PRRC2C: variants seen among roughly 807,000 people sequenced by gnomAD.
PRRC2C encodes protein PRRC2C.
Under a neutral mutation model 317.2 loss-of-function variants are expected in PRRC2C, and 72 were observed. The ratio of observed to expected loss-of-function variants is 0.23; its 90% CI spans 0.19 to 0.28. The LOEUF is 0.28. Ranked by LOEUF, PRRC2C falls within the 10% of genes least tolerant of loss-of-function variation. The probability of loss-of-function intolerance (pLI) is 1.00; values close to 1 mark genes in which losing one functional copy is unlikely to be tolerated. For missense variants in PRRC2C, 3,074 were observed against 3,459.7 expected, an observed-to-expected ratio of 0.89 and a Z score of 2.80; for synonymous variants, 1,296 against 1,205.9, an observed-to-expected ratio of 1.07 and a Z score of -1.55.
intron 1 of PRRC2C, among the ~76,000 whole-genome samples, chr1:171,502,633 A>C (rs1669341550): frequency 6.6e-6 from 1 of 152,220 alleles, no homozygotes; most frequent in African/African-American, 2.4e-5. Flanking sequence ...TGAAACACCA[A>C]AAAAGGCTTG....
chr1:171,529,928 C>A (rs1675454797), intron 11 of PRRC2C, among the ~76,000 whole-genome samples: 2 of 152,226 alleles, frequency 1.3e-5, no homozygotes, highest in Admixed American at 1.3e-4. Context: ...AATCACCCTA[C>A]TGTGATAGCT....
At chr1:171,549,919 A>C (rs1409687960) in intron 17 of PRRC2C, among the ~76,000 whole-genome samples, 167 bp from the exon 18 acceptor site, 1 of 151,930 alleles carries the variant, frequency 6.6e-6, no homozygotes, top group Non-Finnish European at 1.5e-5. Context: ...GATCTTTACA[A>C]TGAATGGCCA....
intron 2 of PRRC2C, 162 bp downstream of exon 2, chr1:171,512,362 A>G: frequency 1.8e-6 from 1 of 565,584 alleles, no homozygotes; most frequent in South Asian, 1.6e-5. Context: ...TATGTGATAA[A>G]CATCTTATAA....
intron 28 of PRRC2C, among the ~76,000 whole-genome samples, chr1:171,582,032 TTTGC>T (rs1330221797): frequency 6.8e-6 from 1 of 147,710 alleles, no homozygotes; most frequent in Non-Finnish European, 1.5e-5. Flanking sequence ...TGTTTGTTTG[TTTGC>T]TTGCTTAATC....
intron 10 of PRRC2C, among the ~76,000 whole-genome samples, chr1:171,526,440 A>C (rs954797678): frequency 1.3e-5 from 2 of 151,902 alleles, no homozygotes; most frequent in Non-Finnish European, 2.9e-5. Context: ...TGGGCTCAAG[A>C]GATTCTTGTG....
intron 34 of PRRC2C, chr1:171,591,328 T>C (rs1240510577): frequency 1.2e-5 from 9 of 755,788 alleles, no homozygotes; most frequent in African/African-American, 1.8e-5. Flanking sequence ...TAAAATTTAA[T>C]ATGAGAGGGC....
Position 171,513,145 on chromosome 1 carries a change from C to G in PRRC2C, c.263C>G (p.Ser88Ter). ...IVPKDGTGWASKQEQHEEEKT... is the reference protein window; with the variant it reads ...IVPKDGTGWA ...CCTAAAGATGGCACAGGGTGGGCAT[C>G]AAAACAAGAGCAACATGAAGAAGAA... The change falls in exon 3 of 35, where the codon TCA becomes TGA. Residue 88 changes from serine to a stop codon, truncating the protein, a stop_gained. Transcript: ENST00000647382. LOFTEE classifies it high-confidence loss of function. The G allele has an allele frequency of 6.2e-7, 1 of 1,612,322 alleles. No homozygotes were observed. The highest frequency in any genetic ancestry group is 8.5e-7 in the Non-Finnish European group (1 of 1,179,348).
At chr1:171,491,449 A>G (rs374775661) in intron 1 of PRRC2C, among the ~76,000 whole-genome samples, 1 of 152,312 alleles carries the variant, frequency 6.6e-6, no homozygotes, top group African/African-American at 2.4e-5. Context: ...CCAAGGCATC[A>G]GCTCCTTGCC....
At position 171,524,986 on chromosome 1, in the gene PRRC2C, T is replaced by G. The variant is rs1033353501; in HGVS notation, c.1200+21T>G. On this transcript the variant is annotated intron_variant, in intron 10 of 34. Coordinates refer to ENST00000647382, the MANE Select transcript of PRRC2C (RefSeq NM_001387844.1). ...ATCAGGTTTGTTGGACTCATGGAGA[T>G]CCTTGTTATTGCAAGGATCTCCTTA... The G allele has an allele frequency of 2.6e-6, 4 of 1,552,500 alleles. No homozygotes were observed. In the African/African-American group the frequency reaches 4.1e-5, roughly 16 times the overall value.
At chr1:171,566,467 A>C in intron 21 of PRRC2C, 46 bp downstream of exon 21, 1 of 1,506,802 alleles carries the variant, frequency 6.6e-7, no homozygotes, top group Non-Finnish European at 8.9e-7. Flanking sequence ...AAGGCCACTG[A>C]CATGAAGAGC....
chr1:171,587,719 T>C lies in PRRC2C; in HGVS notation c.8040T>C (p.Gly2680=), dbSNP rs754524491. 112 of 1,613,210 alleles carry C rather than the reference T, an allele frequency of 6.9e-5. No homozygotes were observed. In the Middle Eastern group the frequency reaches 1.3e-3, roughly 19 times the overall value. The change falls in exon 32 of 35, where the codon GGT becomes GGC. Residue 2680 remains glycine, a synonymous_variant. Coordinates refer to ENST00000647382, the MANE Select transcript of PRRC2C (RefSeq NM_001387844.1). ...DIKPGTPPIA[G]RSTTPTSSPF... ...AACCAGGCACACCTCCAATCGCTGG[T>C]AGAAGCACCACACCAACATCTAGTC...
Position 171,592,070 on chromosome 1 carries a change from G to T in PRRC2C, c.*223G>T. On this transcript the variant is annotated 3_prime_UTR_variant, in exon 35 of 35. Transcript: ENST00000647382. ...GTACCTACTATATAACATGTGCTTG[G>T]TTGATGGCCATGCATCTTCAGTCAG... is the stretch of plus-strand genomic sequence containing the variant. The T allele has an allele frequency of 4.4e-6, 2 of 456,828 alleles. No homozygotes were observed. The highest frequency in any genetic ancestry group is 6.9e-5 in the South Asian group (1 of 14,398). The allele number at this position is 456,828 out of a possible 1,614,324, so 28.3% of individuals were successfully genotyped here. A position where few individuals can be genotyped will look rare whatever the true frequency, so the allele number is the denominator to read the frequency against.
chr1:171,549,978 G>A (rs909006529), intron 17 of PRRC2C, 108 bp from the exon 18 acceptor site: 55 of 808,374 alleles, frequency 6.8e-5, no homozygotes, highest in Admixed American at 1.5e-4. Flanking sequence ...TAGGAACTAG[G>A]CCTTTGGCTA....
intron 28 of PRRC2C, among the ~76,000 whole-genome samples, chr1:171,583,287 G>A (rs1051850268): frequency 1.3e-5 from 2 of 151,844 alleles, no homozygotes; most frequent in African/African-American, 2.4e-5. Flanking sequence ...CTTTTGTAAC[G>A]TTTTTCTGTT....
rs767692946 is a variant in PRRC2C, at chr1:171,584,513, G to A, written c.7736G>A (p.Ser2579Asn). The stretch of plus-strand genomic sequence containing the variant: ...TTTTATAACACTGCCCAGTCACCAA[G>A]TGCTCTCCAGCAGGTAAACTATGGC... Reference protein sequence around the residue: ...TNFYNTAQSPSALQQVTVPLP... With the variant: ...TNFYNTAQSPNALQQVTVPLP... Residue 2579 changes from serine to asparagine, a missense_variant, in exon 30 of 35, where the codon AGT (serine) becomes AAT (asparagine). Physicochemically the swap from Ser to Asn is conservative, Grantham distance 46 (BLOSUM62 1). This residue lies in a region of PRRC2C where 490 missense variants were observed against 663.1 expected (regional missense o/e 0.74). Transcript: ENST00000647382. 2.9e-5 allele frequency: 46 copies of A among 1,585,038 alleles called. No individual in the cohort carries two copies. The Middle Eastern group carries it at 5.0e-4, about 17-fold the overall frequency.
At chr1:171,514,262 A>ATG (rs10531775) in intron 3 of PRRC2C, among the ~76,000 whole-genome samples, 2,142 of 148,666 alleles carry the variant, frequency 0.014, 20 homozygotes, top group Middle Eastern at 0.02. Context: ...GTGTGTGTGT[A>ATG]TGTGTGTGTG....
intron 13 of PRRC2C, 133 bp downstream of exon 13, chr1:171,535,730 TA>T: frequency 1.7e-6 from 2 of 1,193,520 alleles, no homozygotes; most frequent in Non-Finnish European, 2.3e-6. Context: ...TCCTTGTAAA[TA>T]AAAGTTAACG....
chr1:171,524,762 ATG>A (rs1674259591), intron 9 of PRRC2C, 57 bp from the exon 10 acceptor site: 1 of 1,445,462 alleles, frequency 6.9e-7, no homozygotes, highest in Admixed American at 2.9e-5. Context: ...TGCAAAAATA[ATG>A]TGTGTACTTA....
At chr1:171,536,936 T>C (rs984339405) in intron 14 of PRRC2C, among the ~76,000 whole-genome samples, 9 of 152,228 alleles carry the variant, frequency 5.9e-5, no homozygotes, top group Non-Finnish European at 1.3e-4. Context: ...GATGTTTGTA[T>C]TGACATCCAG....
Sources: allele counts gnomAD v4.1 joint callset (sites outside exome capture counted in the v4.1 genomes callset), GRCh38; gene constraint gnomAD v4.1.1; regional missense constraint gnomAD v4.1.1; transcripts MANE v1.5; gene names NCBI Gene and HGNC (gene_info 2026-07-23, HGNC 2026-07-21).